Variants in ZFHX3 observed in about 807,000 individuals in gnomAD.
ZFHX3 encodes zinc finger homeobox protein 3.
A neutral mutation model predicts 279.1 loss-of-function variants in ZFHX3; 42 were observed. The observed-to-expected ratio is 0.15, with a 90% confidence interval of 0.12 to 0.19. The LOEUF (loss-of-function observed/expected upper bound fraction) is 0.19. Among genes scored for constraint, ZFHX3 ranks in the 10% least tolerant of loss-of-function variants. The pLI is 1.00. For missense variants in ZFHX3, 4,981 were observed against 4,754.0 expected (o/e 1.05, Z -1.40); for synonymous variants, 2,293 against 1,957.8 (o/e 1.17, Z -4.52).
At chr16:73,181,786 G>A (rs1056845699) in intron 5 of ZFHX3, among the ~76,000 whole-genome samples, 4 of 152,202 alleles carry the variant, frequency 2.6e-5, no homozygotes, top group African/African-American at 9.6e-5. Context: ...GCTGCTGTGT[G>A]TGGTTGGGCG....
intron 8 of ZFHX3, among the ~76,000 whole-genome samples, chr16:73,090,148 C>T (rs1029713366): frequency 2.6e-5 from 4 of 152,222 alleles, no homozygotes; most frequent in African/African-American, 9.6e-5. Flanking sequence ...AATCCCAGCA[C>T]TTCGGGAGGC....
chr16:73,003,328 A>T (rs1193538229), intron 1 of ZFHX3, among the ~76,000 whole-genome samples: 1 of 152,050 alleles, frequency 6.6e-6, no homozygotes, highest in Non-Finnish European at 1.5e-5. Flanking sequence ...AAAAAAAAAA[A>T]AAAACCATCA....
intron 5 of ZFHX3, among the ~76,000 whole-genome samples, chr16:72,812,839 G>T (rs2036498262): frequency 6.6e-6 from 1 of 152,194 alleles, no homozygotes; most frequent in Non-Finnish European, 1.5e-5. Context: ...GCAGCAGACA[G>T]CACGTACGGA....
intron 3 of ZFHX3, among the ~76,000 whole-genome samples, chr16:73,340,071 C>T (rs987190096): frequency 3.3e-5 from 5 of 152,128 alleles, no homozygotes. Flanking sequence ...AAGTAGAACT[C>T]TGGGATCAGG....
intron 5 of ZFHX3, among the ~76,000 whole-genome samples, chr16:73,218,281 G>T (rs931665297): frequency 2.6e-5 from 4 of 152,166 alleles, no homozygotes; most frequent in African/African-American, 9.7e-5. Flanking sequence ...TGGCCTGAAT[G>T]ATTAAAAGAA....
At chr16:73,860,920 T>A (rs900072819) in intron 1 of ZFHX3, among the ~76,000 whole-genome samples, 9 of 152,042 alleles carry the variant, frequency 5.9e-5, no homozygotes, top group Non-Finnish European at 1.2e-4. Flanking sequence ...GGAGGTAATA[T>A]TCTCTTAGTT....
intron 2 of ZFHX3, among the ~76,000 whole-genome samples, chr16:73,461,998 T>C (rs1309756613): frequency 6.6e-6 from 1 of 152,212 alleles, no homozygotes; most frequent in Non-Finnish European, 1.5e-5. Context: ...TCCATCAACA[T>C]TGAATGTCTC....
At chr16:73,602,819 C>T (rs977381124) in intron 2 of ZFHX3, among the ~76,000 whole-genome samples, 1 of 147,622 alleles carries the variant, frequency 6.8e-6, no homozygotes, top group Non-Finnish European at 1.5e-5. Context: ...TGGTAGCGGG[C>T]ACCTGTAATC....
At chr16:72,805,172 G>C (rs1420161868) in intron 7 of ZFHX3, among the ~76,000 whole-genome samples, 1 of 151,794 alleles carries the variant, frequency 6.6e-6, no homozygotes, top group East Asian at 1.9e-4. Flanking sequence ...AATAGAGATG[G>C]GGTTTCACCA....
chr16:73,602,600 C>A (rs1597021832), intron 2 of ZFHX3, among the ~76,000 whole-genome samples: 1 of 152,138 alleles, frequency 6.6e-6, no homozygotes, highest in East Asian at 1.9e-4. Context: ...ATTCCTAATT[C>A]TGACCACTTC....
At chr16:72,945,749 T>C (rs1960635337) in intron 3 of ZFHX3, among the ~76,000 whole-genome samples, 1 of 151,998 alleles carries the variant, frequency 6.6e-6, no homozygotes, top group East Asian at 1.9e-4. Context: ...ATATGACACT[T>C]TCACCGGAGC....
At chr16:73,807,193 A>G (rs1960299540) in intron 1 of ZFHX3, among the ~76,000 whole-genome samples, 3 of 151,950 alleles carry the variant, frequency 2.0e-5, no homozygotes, top group Admixed American at 2.0e-4. Context: ...CATAGAAGTT[A>G]CCCCAGAAGT....
intron 7 of ZFHX3, chr16:73,125,170 C>A (rs1275819880): frequency 6.8e-6 from 1 of 146,260 alleles, no homozygotes; most frequent in Non-Finnish European, 1.5e-5. Flanking sequence ...AAACCAAGAG[C>A]TGTGGGTGGC....
At chr16:73,356,702 T>A (rs1394263729) in intron 3 of ZFHX3, among the ~76,000 whole-genome samples, 3 of 152,090 alleles carry the variant, frequency 2.0e-5, no homozygotes, top group Non-Finnish European at 2.9e-5. Context: ...GGGGATTAAG[T>A]AGACTAATTA....
At chr16:73,351,094 C>T (rs2016233104) in intron 3 of ZFHX3, among the ~76,000 whole-genome samples, 1 of 152,114 alleles carries the variant, frequency 6.6e-6, no homozygotes, top group South Asian at 2.1e-4. Context: ...GCAAGTTAAA[C>T]AGTAATCACC....
intron 2 of ZFHX3, among the ~76,000 whole-genome samples, chr16:73,602,716 G>A (rs2052131614): frequency 6.6e-6 from 1 of 152,094 alleles, no homozygotes; most frequent in East Asian, 1.9e-4. Context: ...GGAGGCTCAG[G>A]GGGGCAGATC....
intron 2 of ZFHX3, among the ~76,000 whole-genome samples, chr16:73,493,127 C>A (rs1483950520): frequency 6.6e-6 from 1 of 151,960 alleles, no homozygotes; most frequent in Non-Finnish European, 1.5e-5. Flanking sequence ...ATTAATGTCT[C>A]CTCTCTGTTC....
At position 73,102,671 on chromosome 16, in the gene ZFHX3, C is replaced by CA. The variant is rs59105644; in HGVS notation, c.-896-9074dup. On this transcript the variant is annotated intron_variant, in intron 7 of 17. Transcript: ENST00000641206. ...AATATGGAAATTTGAAAAAAACACA[C>CA]AAAAAACCACCATCTGGGTTTGAGG... Among the ~76,000 whole-genome samples, 205 of 152,186 alleles carry CA rather than the reference C, an allele frequency of 1.3e-3. 1 individual carries two copies. The highest frequency in any genetic ancestry group is 3.6e-3 in the Admixed American group (55 of 15,294).
chr16:73,692,195 C>T (rs1417288353), intron 1 of ZFHX3, among the ~76,000 whole-genome samples: 1 of 152,146 alleles, frequency 6.6e-6, no homozygotes, highest in Non-Finnish European at 1.5e-5. Flanking sequence ...CTTAGTGACA[C>T]TTCTAATAAA....
Sources: gnomAD v4.1 joint callset for allele counts (sites outside exome capture counted in the v4.1 genomes callset) on GRCh38, gnomAD v4.1.1 for gene constraint, MANE v1.5 for transcripts, NCBI Gene and HGNC (gene_info 2026-07-23, HGNC 2026-07-21) for gene names.